PAK5: variants seen among roughly 807,000 people sequenced by gnomAD.
PAK5 encodes the protein p21 (RAC1) activated kinase 5.
Under a neutral mutation model 65.9 loss-of-function variants are expected in PAK5, and 16 were observed. The ratio of observed to expected loss-of-function variants is 0.24; its 90% CI spans 0.16 to 0.37. The LOEUF (loss-of-function observed/expected upper bound fraction) is 0.37. Ranked by LOEUF, PAK5 falls within the 10% of genes least tolerant of loss-of-function variation. The probability of loss-of-function intolerance (pLI) is 1.00; values close to 1 mark genes in which losing one functional copy is unlikely to be tolerated. For missense variants in PAK5, 785 were observed against 903.9 expected, an observed-to-expected ratio of 0.87 and a Z score of 1.69; for synonymous variants, 371 against 354.9, an observed-to-expected ratio of 1.05 and a Z score of -0.51.
chr20:9,628,044 G>A (rs574149780), intron 3 of PAK5, among the ~76,000 whole-genome samples: 2 of 152,178 alleles, frequency 1.3e-5, no homozygotes, highest in African/African-American at 2.4e-5. Context: ...TATAATTTTT[G>A]TTTTATTAAT....
At chr20:9,724,340 T>C (rs1277060240) in intron 1 of PAK5, among the ~76,000 whole-genome samples, 2 of 152,190 alleles carry the variant, frequency 1.3e-5, no homozygotes, top group African/African-American at 4.8e-5. Flanking sequence ...TTCAGCTACT[T>C]ATTTGTCATC....
chr20:9,767,732 C>T (rs767453037), intron 1 of PAK5, among the ~76,000 whole-genome samples: 1 of 152,160 alleles, frequency 6.6e-6, no homozygotes, highest in Non-Finnish European at 1.5e-5. Context: ...ACATTCAGCC[C>T]ATGCAGGTCA....
chr20:9,683,303 C>T (rs114699112), intron 2 of PAK5, among the ~76,000 whole-genome samples: 3,777 of 152,242 alleles, frequency 0.025, 97 homozygotes, highest in African/African-American at 0.065. Flanking sequence ...GGTTAGCTGT[C>T]CTTTTGGGAA....
At position 9,546,835 on chromosome 20, in the gene PAK5, C is replaced by T. The variant is rs150808441; in HGVS notation, c.1744-2341G>A. Among the ~76,000 whole-genome samples, 196 of 152,184 alleles carry T rather than the reference C, an allele frequency of 1.3e-3. 2 individuals carry two copies. In the East Asian group the frequency reaches 0.032, roughly 25 times the overall value. On this transcript the variant is annotated intron_variant, in intron 7 of 9. Coordinates refer to ENST00000353224, the MANE Select transcript of PAK5 (RefSeq NM_177990.4). Reference sequence around the variant, plus strand: ...AGTCAGGTAGATTTCAGTCAGAGTGCTTTTCAAGAAATGAGATGTATTTTA... The same window carrying T: ...AGTCAGGTAGATTTCAGTCAGAGTGTTTTTCAAGAAATGAGATGTATTTTA...
intron 1 of PAK5, among the ~76,000 whole-genome samples, chr20:9,837,876 T>C (rs1979272219): frequency 6.6e-6 from 1 of 152,144 alleles, no homozygotes; most frequent in African/African-American, 2.4e-5. Flanking sequence ...ATTCTGGCCA[T>C]AAAAAGACCA....
intron 3 of PAK5, among the ~76,000 whole-genome samples, chr20:9,633,106 A>G (rs2046943030): frequency 6.6e-6 from 1 of 152,182 alleles, no homozygotes; most frequent in African/African-American, 2.4e-5. Flanking sequence ...AGGTTCATAC[A>G]ATGAGGTTGG....
chr20:9,572,062 G>C (rs535470119), intron 4 of PAK5, among the ~76,000 whole-genome samples: 1 of 129,596 alleles, frequency 7.7e-6, no homozygotes, highest in East Asian at 2.1e-4. Context: ...GACAAATTAA[G>C]GGTTTTTTTT....
At chr20:9,714,129 G>A (rs2048112562) in intron 1 of PAK5, among the ~76,000 whole-genome samples, 1 of 151,842 alleles carries the variant, frequency 6.6e-6, no homozygotes, top group Non-Finnish European at 1.5e-5. Flanking sequence ...CCCAAAATAG[G>A]TACAATTATG....
In PAK5 at chr20:9,551,673, T is replaced by G. The variant is rs145106568; in HGVS notation, c.1743+5935A>C. Among the ~76,000 whole-genome samples, 137 of 152,342 alleles carry G rather than the reference T, an allele frequency of 9.0e-4. 1 individual carries two copies. Among genetic ancestry groups the G allele is most frequent in the African/African-American group, 3.1e-3 (130 of 41,588 alleles). ...GGCTAATGCAAAAGGGGGCTACTTG[T>G]GTGCCTAGTTTCTGGGTGCTTCTTT... On this transcript the variant is annotated intron_variant, in intron 7 of 9. Transcript: ENST00000353224.
intron 2 of PAK5, among the ~76,000 whole-genome samples, chr20:9,679,424 C>T (rs1334258724): frequency 6.6e-6 from 1 of 152,142 alleles, no homozygotes; most frequent in African/African-American, 2.4e-5. Flanking sequence ...TTTTAAGATT[C>T]TTGGTACATG....
chr20:9,690,980 C>G (rs1410780354), intron 2 of PAK5, among the ~76,000 whole-genome samples: 1 of 151,916 alleles, frequency 6.6e-6, no homozygotes, highest in Non-Finnish European at 1.5e-5. Context: ...GTCTTGAACT[C>G]CTGACCTCAG....
chr20:9,591,102 G>A (rs2046162782), intron 3 of PAK5, among the ~76,000 whole-genome samples: 2 of 152,182 alleles, frequency 1.3e-5, no homozygotes, highest in South Asian at 4.1e-4. Flanking sequence ...TGTGTGCCAA[G>A]ATGATTAGAA....
At position 9,538,149 on chromosome 20, in the gene PAK5, G is replaced by A; in HGVS notation, c.*1313C>T. ...GTTAACATGCAAATTCATCCAACAA[G>A]CAACACAAAATGTATTGTAGTAGTC... On this transcript the variant is annotated 3_prime_UTR_variant, in exon 10 of 10. Coordinates refer to ENST00000353224, the MANE Select transcript of PAK5 (RefSeq NM_177990.4). 4.3e-6 allele frequency: 1 copy of A among 233,318 alleles called. No homozygotes were observed. Among genetic ancestry groups the A allele is most frequent in the East Asian group, 6.1e-5 (1 of 16,498 alleles). The allele number at this position is 233,318 out of a possible 1,614,324, so 14.5% of individuals were successfully genotyped here. A position where few individuals can be genotyped will look rare whatever the true frequency, so the allele number is the denominator to read the frequency against.
chr20:9,596,224 C>T (rs2046261011), intron 3 of PAK5, among the ~76,000 whole-genome samples: 1 of 152,170 alleles, frequency 6.6e-6, no homozygotes, highest in South Asian at 2.1e-4. Flanking sequence ...ACCCAGGATG[C>T]TGGAGCAGGT....
At position 9,576,744 on chromosome 20, in the gene PAK5, C is replaced by T. The variant is rs537057387; in HGVS notation, c.990+3401G>A. On this transcript the variant is annotated intron_variant, in intron 4 of 9. Coordinates refer to ENST00000353224, the MANE Select transcript of PAK5 (RefSeq NM_177990.4). ...CAATGTCTGGTAAAAGGCTTAAGCCCAAAGAGTTGGATCCCAGCTCTGCTG... is the reference window on the plus strand; with the variant it reads ...CAATGTCTGGTAAAAGGCTTAAGCCTAAAGAGTTGGATCCCAGCTCTGCTG... Among the ~76,000 whole-genome samples, 9 of 152,270 alleles carry T rather than the reference C, an allele frequency of 5.9e-5. No individual in the cohort carries two copies. The South Asian group carries it at 8.3e-4, about 14-fold the overall frequency.
chr20:9,608,161 G>T (rs767400526), intron 3 of PAK5, among the ~76,000 whole-genome samples: 2 of 152,054 alleles, frequency 1.3e-5, no homozygotes, highest in Non-Finnish European at 2.9e-5. Context: ...CCTGCCAAAG[G>T]CCCCACCTCC....
At chr20:9,610,720 G>A (rs1360362490) in intron 3 of PAK5, among the ~76,000 whole-genome samples, 3 of 152,076 alleles carry the variant, frequency 2.0e-5, no homozygotes, top group Non-Finnish European at 4.4e-5. Context: ...TGTGTGCTTT[G>A]TTTCTAATGG....
At chr20:9,650,676 A>T (rs1189843895) in intron 2 of PAK5, among the ~76,000 whole-genome samples, 1 of 151,876 alleles carries the variant, frequency 6.6e-6, no homozygotes, top group Non-Finnish European at 1.5e-5. Context: ...AACCTTGCTT[A>T]TATGTGCTAG....
At chr20:9,823,795 C>T (rs957459845) in intron 1 of PAK5, among the ~76,000 whole-genome samples, 1 of 149,286 alleles carries the variant, frequency 6.7e-6, no homozygotes, top group East Asian at 2.0e-4. Flanking sequence ...GCTCTCGAAT[C>T]CTTGCCTCAA....
Sources: gnomAD v4.1 joint callset for allele counts (sites outside exome capture counted in the v4.1 genomes callset) on GRCh38, gnomAD v4.1.1 for gene constraint, MANE v1.5 for transcripts, NCBI Gene and HGNC (gene_info 2026-07-23, HGNC 2026-07-21) for gene names.